CLPB: variants seen among roughly 807,000 people sequenced by gnomAD.
CLPB encodes ClpB family mitochondrial disaggregase, also known as mitochondrial disaggregase.
Under a neutral mutation model 78.4 loss-of-function variants are expected in CLPB, and 40 were observed. The ratio of observed to expected loss-of-function variants is 0.51; its 90% CI spans 0.40 to 0.66. The LOEUF is 0.66. Ranked by LOEUF, CLPB falls within the 30% of genes least tolerant of loss-of-function variation. CLPB has a pLI of 0.00. For missense variants in CLPB, 780 were observed against 886.9 expected (o/e 0.88, Z 1.53); for synonymous variants, 333 against 348.0 (o/e 0.96, Z 0.48).
intron 5 of CLPB, 71 bp from the exon 6 acceptor site, chr11:72,329,875 G>A: frequency 8.3e-7 from 1 of 1,203,024 alleles, no homozygotes; most frequent in East Asian, 2.4e-5. Flanking sequence ...CCTTGGAGGT[G>A]GCTTAAGGCT....
chr11:72,414,170 A>G lies in CLPB; in HGVS notation c.456-11118T>C, dbSNP rs1855955432. 2.6e-5 allele frequency among the ~76,000 whole-genome samples: 4 copies of G among 152,194 alleles called. No homozygotes were observed. The South Asian group carries it at 8.3e-4, about 32-fold the overall frequency. ...GTGTGCCAAGGCTGAGACTGAATAA[A>G]ACACGGAAGTCCAACAATACAAGGC... is the stretch of plus-strand genomic sequence containing the variant. On this transcript the variant is annotated intron_variant, in intron 2 of 15. Coordinates refer to ENST00000538039, the MANE Select transcript of CLPB (RefSeq NM_001258392.3).
At chr11:72,374,854 T>C (rs1854636268) in intron 4 of CLPB, among the ~76,000 whole-genome samples, 1 of 152,196 alleles carries the variant, frequency 6.6e-6, no homozygotes, top group South Asian at 2.1e-4. Context: ...TCACTTTAAA[T>C]CCTTTCTTTG....
chr11:72,290,198 TGCTTAAAAA>T lies in CLPB; in HGVS notation c.*3160_*3168del, dbSNP rs1163716265. Reference sequence around the variant, plus strand: ...TGAAACATCTTGTGGTGCCAGAAAATGCTTAAAAAGTGACAGGGGCAATGTCGAAACAAC... The same window carrying T: ...TGAAACATCTTGTGGTGCCAGAAAATGTGACAGGGGCAATGTCGAAACAAC... On this transcript the variant is annotated 3_prime_UTR_variant, in exon 16 of 16. Transcript: ENST00000538039. 1 of 152,056 alleles carries T rather than the reference TGCTTAAAAA, an allele frequency of 6.6e-6. No individual in the cohort carries two copies. The highest frequency in any genetic ancestry group is 2.4e-5 in the African/African-American group (1 of 41,394). The allele number at this position is 152,056 out of a possible 1,614,324, so 9.4% of individuals were successfully genotyped here. A position where few individuals can be genotyped will look rare whatever the true frequency, so the allele number is the denominator to read the frequency against.
intron 2 of CLPB, among the ~76,000 whole-genome samples, chr11:72,424,230 T>A (rs1856296001): frequency 6.6e-6 from 1 of 152,220 alleles, no homozygotes; most frequent in Non-Finnish European, 1.5e-5. Flanking sequence ...ATGCAAAATG[T>A]ATCGGGCCCA....
At chr11:72,387,876 C>T (rs1037171406) in intron 3 of CLPB, among the ~76,000 whole-genome samples, 12 of 152,114 alleles carry the variant, frequency 7.9e-5, no homozygotes, top group East Asian at 1.9e-4. Flanking sequence ...CTCAAAGGGA[C>T]GTAATTTGGT....
intron 5 of CLPB, among the ~76,000 whole-genome samples, chr11:72,350,505 C>T (rs1950595222): frequency 6.6e-6 from 1 of 152,122 alleles, no homozygotes; most frequent in South Asian, 2.1e-4. Flanking sequence ...TAATAATTAG[C>T]TGGTAATTTT....
At chr11:72,388,684 T>C (rs1022633621) in intron 3 of CLPB, among the ~76,000 whole-genome samples, 41 of 152,236 alleles carry the variant, frequency 2.7e-4, no homozygotes, top group African/African-American at 9.6e-4. Flanking sequence ...AGGTTTTTTG[T>C]TCAACAGCCT....
At position 72,430,283 on chromosome 11, in the gene CLPB, G is replaced by A. The variant is rs1024055098; in HGVS notation, c.455+29C>T. ...TCGCCCTGCTCAGCCTCTCCTGTAGGGGAGAGCAAGGCCTGGGGTTCAACT... is the reference window on the plus strand; with the variant it reads ...TCGCCCTGCTCAGCCTCTCCTGTAGAGGAGAGCAAGGCCTGGGGTTCAACT... On this transcript the variant is annotated intron_variant, in intron 2 of 15. Coordinates refer to ENST00000538039, the MANE Select transcript of CLPB (RefSeq NM_001258392.3). 3 of 1,606,118 alleles carry A rather than the reference G, an allele frequency of 1.9e-6. No individual in the cohort carries two copies. The African/African-American group carries it at 4.0e-5, about 21-fold the overall frequency.
At chr11:72,385,558 C>T (rs1349193400) in intron 3 of CLPB, among the ~76,000 whole-genome samples, 1 of 152,198 alleles carries the variant, frequency 6.6e-6, no homozygotes, top group East Asian at 1.9e-4. Flanking sequence ...CACAGTGGCT[C>T]ATGCCTATAA....
At chr11:72,373,092 C>T in intron 4 of CLPB, 1 of 1,263,098 alleles carries the variant, frequency 7.9e-7, no homozygotes, top group African/African-American at 1.5e-5. Flanking sequence ...AGGGGGCACT[C>T]AGGCTGGTGG....
chr11:72,377,077 C>T lies in CLPB; in HGVS notation c.646+3204G>A, dbSNP rs533413139. Among the ~76,000 whole-genome samples, 10 of 152,036 alleles carry T rather than the reference C, an allele frequency of 6.6e-5. 1 individual carries two copies. The highest frequency in any genetic ancestry group is 1.9e-4 in the African/African-American group (8 of 41,478). ...TAACCTGATTTCCTTTTTTGGAAAG[C>T]GTTATTAGACAGGAAAATACGACAA... On this transcript the variant is annotated intron_variant, in intron 4 of 15. Transcript: ENST00000538039.
At chr11:72,338,160 C>T (rs1324761606) in intron 5 of CLPB, among the ~76,000 whole-genome samples, 1 of 152,104 alleles carries the variant, frequency 6.6e-6, no homozygotes, top group Non-Finnish European at 1.5e-5. Context: ...GAAATAATGT[C>T]ATTATACTAC....
At chr11:72,374,054 G>T (rs919132675) in intron 4 of CLPB, among the ~76,000 whole-genome samples, 2 of 151,766 alleles carry the variant, frequency 1.3e-5, no homozygotes, top group Non-Finnish European at 2.9e-5. Context: ...CAGGGGCACC[G>T]GAGGCCAGAT....
In CLPB at chr11:72,286,239, T is replaced by TTTTTTTTTTG; in HGVS notation, c.*7127_*7128insCAAAAAAAAA. On this transcript the variant is annotated 3_prime_UTR_variant, in exon 16 of 16. Transcript: ENST00000538039. ...ACTGCACCTGTTTTTTTTTTTTTTT[T>TTTTTTTTTTG]TTTTTTTAAGAGATAGGGTGTCACT... 7.2e-6 allele frequency: 1 copy of TTTTTTTTTTG among 139,542 alleles called. No homozygotes were observed. Among genetic ancestry groups the TTTTTTTTTTG allele is most frequent in the Non-Finnish European group, 1.6e-5 (1 of 64,436 alleles). The allele number at this position is 139,542 out of a possible 1,614,324, so 8.6% of individuals were successfully genotyped here. A position where few individuals can be genotyped will look rare whatever the true frequency, so the allele number is the denominator to read the frequency against.
At chr11:72,425,199 G>T (rs1460356613) in intron 2 of CLPB, among the ~76,000 whole-genome samples, 2 of 152,142 alleles carry the variant, frequency 1.3e-5, no homozygotes, top group African/African-American at 2.4e-5. Flanking sequence ...CTCAAACTTG[G>T]CCCCAGTAAA....
At chr11:72,371,713 G>A (rs1436322291) in intron 4 of CLPB, among the ~76,000 whole-genome samples, 1 of 151,924 alleles carries the variant, frequency 6.6e-6, no homozygotes, top group Non-Finnish European at 1.5e-5. Context: ...CACCACACTC[G>A]ACCACTCTGT....
chr11:72,301,240 GTC>G (rs1296452169), intron 11 of CLPB, among the ~76,000 whole-genome samples: 4 of 152,186 alleles, frequency 2.6e-5, no homozygotes, highest in African/African-American at 9.7e-5. Context: ...GAACTGGACA[GTC>G]TGTGAGAACC....
chr11:72,426,476 T>C (rs528082068), intron 2 of CLPB, among the ~76,000 whole-genome samples: 60 of 151,218 alleles, frequency 4.0e-4, no homozygotes, highest in African/African-American at 1.3e-3. Flanking sequence ...CTTCCACTTC[T>C]GAGGAACCAG....
chr11:72,312,419 T>G lies in CLPB; in HGVS notation c.989-3815A>C, dbSNP rs924238908. On this transcript the variant is annotated intron_variant, in intron 7 of 15. Coordinates refer to ENST00000538039, the MANE Select transcript of CLPB (RefSeq NM_001258392.3). The surrounding 1 kb of genome is among the most constrained non-coding windows in gnomAD (Gnocchi z 4.2). Reference sequence around the variant, plus strand: ...GACGGGCAGTGTAAGGTGTTTCATCTACCTGTGCCCTTGTGTCTGGCAGGG... The same window carrying G: ...GACGGGCAGTGTAAGGTGTTTCATCGACCTGTGCCCTTGTGTCTGGCAGGG... 6.6e-6 allele frequency among the ~76,000 whole-genome samples: 1 copy of G among 152,206 alleles called. No individual in the cohort carries two copies. Among genetic ancestry groups the G allele is most frequent in the African/African-American group, 2.4e-5 (1 of 41,448 alleles).
Sources: allele counts gnomAD v4.1 joint callset (sites outside exome capture counted in the v4.1 genomes callset), GRCh38; gene constraint gnomAD v4.1.1; non-coding constraint Gnocchi (gnomAD v3.1); transcripts MANE v1.5; gene names NCBI Gene and HGNC (gene_info 2026-07-23, HGNC 2026-07-21).